The following DMD variants were observed in gnomAD, a reference collection of about 807,000 sequenced individuals.
The protein encoded by DMD is dystrophin.
Under a neutral mutation model 330.1 loss-of-function variants are expected in DMD, and 63 were observed. The observed-to-expected ratio is 0.19, with a 90% CI of 0.16 to 0.24. The LOEUF is 0.24. Ranked by LOEUF, DMD falls within the 10% of genes least tolerant of loss-of-function variation. The pLI, the probability that DMD is intolerant of heterozygous loss-of-function variation, is 1.00. For synonymous variants in DMD, 1,223 were observed against 959.8 expected (o/e 1.27, Z -5.07); for missense variants, 3,344 against 2,684.1 (o/e 1.25, Z -5.43).
At chrX:32,014,565 T>C (rs1215248902) in intron 44 of DMD, among the ~76,000 whole-genome samples, 1 of 111,721 alleles carries the variant, frequency 9.0e-6, no homozygotes. Flanking sequence ...CTAACTTCTC[T>C]ATAGTACAGT....
chrX:31,264,695 A>G (rs1239693000), intron 62 of DMD, among the ~76,000 whole-genome samples: 1 of 111,698 alleles, frequency 9.0e-6, no homozygotes, highest in East Asian at 2.8e-4. Flanking sequence ...ATTAAAATAT[A>G]AAGTCATCGA....
chrX:32,307,739 G>C (rs772294486), intron 42 of DMD, among the ~76,000 whole-genome samples: 2 of 111,391 alleles, frequency 1.8e-5, no homozygotes, highest in Admixed American at 1.9e-4. Flanking sequence ...GAAATTCTGT[G>C]TTCATGCTTT....
chrX:32,967,615 C>T (rs1359125931), intron 2 of DMD, among the ~76,000 whole-genome samples: 1 of 111,232 alleles, frequency 9.0e-6, no homozygotes, highest in African/African-American at 3.3e-5. Context: ...TTCAGGTGCA[C>T]GCAATTAGAT....
chrX:31,478,160 C>G lies in DMD; in HGVS notation c.8883G>C (p.Gln2961His). ...AGTCAATGAGGAGATCGCCCACGGGCTGCCAGGATCCCTTGATCACCTCAG... is the reference window on the plus strand; with the variant it reads ...AGTCAATGAGGAGATCGCCCACGGGGTGCCAGGATCCCTTGATCACCTCAG... ...RQAEVIKGSW[Q>H]PVGDLLIDSL... Residue 2961 changes from glutamine to histidine, a missense_variant, in exon 59 of 79, where the codon CAG (glutamine) becomes CAC (histidine). Physicochemically the swap from Gln to His is conservative, Grantham distance 24. Transcript: ENST00000357033. 8.3e-7 allele frequency: 1 copy of G among 1,210,976 alleles called. No individual in the cohort carries two copies. Among genetic ancestry groups the G allele is most frequent in the Non-Finnish European group, 1.1e-6 (1 of 895,152 alleles).
At chrX:32,322,823 A>G (rs1180185526) in intron 41 of DMD, among the ~76,000 whole-genome samples, 1 of 112,018 alleles carries the variant, frequency 8.9e-6, no homozygotes, top group Non-Finnish European at 1.9e-5. Context: ...CATAACCTAC[A>G]GAGACTACTA....
At chrX:31,380,489 C>T (rs1346897340) in intron 60 of DMD, among the ~76,000 whole-genome samples, 1 of 110,994 alleles carries the variant, frequency 9.0e-6, no homozygotes, top group Non-Finnish European at 1.9e-5. Context: ...TCAATGCCAA[C>T]ATCCCATCCC....
intron 11 of DMD, among the ~76,000 whole-genome samples, chrX:32,615,557 T>A (rs899127684): frequency 8.9e-6 from 1 of 111,893 alleles, no homozygotes; most frequent in Non-Finnish European, 1.9e-5. Flanking sequence ...AAAGCATTTT[T>A]CAAAACTATA....
chrX:33,272,603 G>A (rs935272846), intron 1 of DMD, among the ~76,000 whole-genome samples: 7 of 110,125 alleles, frequency 6.4e-5, no homozygotes, highest in Non-Finnish European at 1.3e-4. Flanking sequence ...ATGTTGTGGA[G>A]GAACTGATGG....
chrX:32,905,536 A>G (rs967128393), intron 2 of DMD, among the ~76,000 whole-genome samples: 2 of 111,683 alleles, frequency 1.8e-5, no homozygotes, highest in African/African-American at 6.5e-5. Context: ...ATTAGGTTTC[A>G]CTGGCCACTC....
At chrX:31,591,501 G>A (rs777791929) in intron 55 of DMD, among the ~76,000 whole-genome samples, 1 of 111,034 alleles carries the variant, frequency 9.0e-6, no homozygotes, top group Non-Finnish European at 1.9e-5. Flanking sequence ...AACTATTTTT[G>A]CATTTTTGTT....
Position 33,091,663 on chromosome X carries a change from T to C in DMD, c.32-71463A>G, listed in dbSNP as rs1363743409. Among the ~76,000 whole-genome samples the C allele has an allele frequency of 2.7e-5, 3 of 112,097 alleles. No individual in the cohort carries two copies. In the Admixed American group the frequency reaches 2.8e-4, roughly 11 times the overall value. On this transcript the variant is annotated intron_variant, in intron 1 of 78. Transcript: ENST00000357033. ...CCCAGTGAAGTAGGAGATGATGTTATCTATTTAGTACGGGCTGGAGATAAT... is the reference window on the plus strand; with the variant it reads ...CCCAGTGAAGTAGGAGATGATGTTACCTATTTAGTACGGGCTGGAGATAAT...
At chrX:31,764,511 GA>G in intron 51 of DMD, among the ~76,000 whole-genome samples, 1 of 111,307 alleles carries the variant, frequency 9.0e-6, no homozygotes, top group Non-Finnish European at 1.9e-5. Context: ...CACATTTAGG[GA>G]AAAAATATGG....
chrX:31,821,494 A>C (rs956916790), intron 49 of DMD, among the ~76,000 whole-genome samples: 1 of 111,916 alleles, frequency 8.9e-6, no homozygotes, highest in South Asian at 3.7e-4. Context: ...GCGAAACCCG[A>C]GCAGAGAAAA....
At chrX:33,159,941 T>C (rs931379323) in intron 1 of DMD, among the ~76,000 whole-genome samples, 11 of 111,744 alleles carry the variant, frequency 9.8e-5, no homozygotes, top group African/African-American at 3.6e-4. Flanking sequence ...AAGTATATAA[T>C]GACAATCCCC....
chrX:31,458,805 T>G (rs2066351140), intron 59 of DMD, among the ~76,000 whole-genome samples: 1 of 110,413 alleles, frequency 9.1e-6, no homozygotes, highest in African/African-American at 3.3e-5. Context: ...AGACCCCTCT[T>G]GCATACAACA....
At chrX:31,134,421 CTTTTTTT>C (rs35286502) in intron 76 of DMD, among the ~76,000 whole-genome samples, 2 of 79,659 alleles carry the variant, frequency 2.5e-5, no homozygotes, top group South Asian at 1.3e-3. Context: ...AACTGTATAT[CTTTTTTT>C]TTTTTTTTTT....
At chrX:31,989,046 G>C (rs1003264313) in intron 44 of DMD, among the ~76,000 whole-genome samples, 1 of 112,100 alleles carries the variant, frequency 8.9e-6, no homozygotes, top group Non-Finnish European at 1.9e-5. Context: ...GGAAAAGATG[G>C]GTGTTCCAGC....
chrX:32,009,937 A>T (rs2095693148), intron 44 of DMD, among the ~76,000 whole-genome samples: 1 of 112,180 alleles, frequency 8.9e-6, no homozygotes, highest in Admixed American at 9.4e-5. Flanking sequence ...CTGGATTTAA[A>T]ATCTGAGAGC....
chrX:32,639,585 T>C (rs2059319449), intron 11 of DMD, among the ~76,000 whole-genome samples: 1 of 112,418 alleles, frequency 8.9e-6, no homozygotes, highest in Admixed American at 9.4e-5. Flanking sequence ...ACTTCTTTAT[T>C]GTATTAGCTT....
Sources: allele counts gnomAD v4.1 joint callset (sites outside exome capture counted in the v4.1 genomes callset), GRCh38; gene constraint gnomAD v4.1.1; transcripts MANE v1.5; gene names NCBI Gene and HGNC (gene_info 2026-07-23, HGNC 2026-07-21).